Variants in NAA35 observed in about 807,000 individuals in gnomAD.
NAA35 encodes the protein N-alpha-acetyltransferase 35, NatC auxiliary subunit.
NAA35 carries 18 observed loss-of-function variants against 101.7 expected under a neutral mutation model. That is an observed-to-expected ratio of 0.18 (90% CI 0.12 to 0.26). The LOEUF (loss-of-function observed/expected upper bound fraction) is 0.26. Ranked by LOEUF, NAA35 falls within the 10% of genes least tolerant of loss-of-function variation. NAA35 has a pLI of 1.00. For missense variants in NAA35, 601 were observed against 886.8 expected, an observed-to-expected ratio of 0.68 and a Z score of 4.09; for synonymous variants, 267 against 273.1, an observed-to-expected ratio of 0.98 and a Z score of 0.22.
chr9:85,974,598 G>A (rs1830134696), intron 6 of NAA35, among the ~76,000 whole-genome samples: 1 of 152,060 alleles, frequency 6.6e-6, no homozygotes, highest in African/African-American at 2.4e-5. Context: ...TTGCAGCACG[G>A]TCATTTAACA....
chr9:86,007,519 A>C (rs191218068), intron 14 of NAA35, 55 bp downstream of exon 14: 9 of 1,249,976 alleles, frequency 7.2e-6, no homozygotes, highest in Admixed American at 1.8e-5. Context: ...TAAAAGCCCA[A>C]CTTCTCTGTA....
chr9:86,004,617 A>G (rs10868359), intron 13 of NAA35, among the ~76,000 whole-genome samples: 9,881 of 152,262 alleles, frequency 0.065, 686 homozygotes, highest in East Asian at 0.34. Flanking sequence ...GAGAAAATCA[A>G]TGCAACCCAA....
intron 12 of NAA35, 58 bp from the exon 13 acceptor site, chr9:86,003,527 G>GT: frequency 9.7e-7 from 1 of 1,025,900 alleles, no homozygotes. Context: ...CTGATGAAGT[G>GT]TTTTTAGCTT....
intron 11 of NAA35, among the ~76,000 whole-genome samples, chr9:85,989,530 G>A (rs182331018): frequency 3.0e-4 from 46 of 152,128 alleles, no homozygotes; most frequent in South Asian, 6.2e-4. Flanking sequence ...TGTGACCTAA[G>A]AGTTTTACAC....
intron 12 of NAA35, among the ~76,000 whole-genome samples, chr9:85,999,052 A>G (rs965885709): frequency 6.6e-6 from 1 of 152,210 alleles, no homozygotes; most frequent in Admixed American, 6.5e-5. Context: ...TTAAGTCTTC[A>G]TTCCTTAGTA....
intron 19 of NAA35, among the ~76,000 whole-genome samples, chr9:86,018,038 ATCAT>A (rs1832317861): frequency 6.6e-6 from 1 of 152,252 alleles, no homozygotes. Flanking sequence ...AGTCCAAGAA[ATCAT>A]TTGAGGTGAC....
intron 11 of NAA35, among the ~76,000 whole-genome samples, chr9:85,990,926 G>C (rs1169518858): frequency 6.6e-6 from 1 of 152,208 alleles, no homozygotes; most frequent in Non-Finnish European, 1.5e-5. Context: ...GAGGGCATCT[G>C]CAAAGAGATA....
chr9:85,976,060 C>T (rs774230830), intron 8 of NAA35, among the ~76,000 whole-genome samples: 9 of 152,100 alleles, frequency 5.9e-5, no homozygotes, highest in Non-Finnish European at 7.4e-5. Context: ...GTTAGACACA[C>T]ACAGTGCTCC....
intron 6 of NAA35, among the ~76,000 whole-genome samples, chr9:85,971,621 A>G (rs901467671): frequency 2.6e-5 from 4 of 152,286 alleles, no homozygotes; most frequent in African/African-American, 7.2e-5. Flanking sequence ...CTCCACTTGG[A>G]TGATCAAAGA....
intron 14 of NAA35, among the ~76,000 whole-genome samples, chr9:86,008,160 T>G (rs1485327040): frequency 6.6e-6 from 1 of 152,192 alleles, no homozygotes; most frequent in Non-Finnish European, 1.5e-5. Context: ...CCTCCTAGGT[T>G]CAAGAGATTC....
chr9:85,972,647 T>G (rs1338621566), intron 6 of NAA35, among the ~76,000 whole-genome samples: 8 of 151,804 alleles, frequency 5.3e-5, no homozygotes, highest in Non-Finnish European at 1.2e-4. Context: ...ACAGGATAAG[T>G]AGTGGCTGAC....
At chr9:85,986,461 C>G (rs139851607) in intron 11 of NAA35, 420 of 470,034 alleles carry the variant, frequency 8.9e-4, no homozygotes, top group African/African-American at 7.7e-3. Context: ...TCTCTGACTT[C>G]CTCCTTTTCA....
At chr9:85,991,329 A>G (rs1288846635) in intron 11 of NAA35, among the ~76,000 whole-genome samples, 1 of 152,132 alleles carries the variant, frequency 6.6e-6, no homozygotes, top group Non-Finnish European at 1.5e-5. Flanking sequence ...CAGGGCTGTC[A>G]GAGACCAAGC....
At chr9:86,012,203 T>C (rs1034606071) in intron 15 of NAA35, among the ~76,000 whole-genome samples, 1 of 151,136 alleles carries the variant, frequency 6.6e-6, no homozygotes, top group Non-Finnish European at 1.5e-5. Flanking sequence ...TACTGCAACC[T>C]CCGCCTCCCA....
intron 11 of NAA35, among the ~76,000 whole-genome samples, chr9:85,981,486 G>T (rs1448184447): frequency 6.6e-6 from 1 of 152,140 alleles, no homozygotes; most frequent in Non-Finnish European, 1.5e-5. Context: ...CAAACTCTGA[G>T]ATGATAATTT....
chr9:86,022,905 T>C lies in NAA35; in HGVS notation c.*945T>C. On this transcript the variant is annotated 3_prime_UTR_variant, in exon 23 of 23. Transcript: ENST00000361671. ...CCTTTTTGTCCTCTGTAGCAGGCAA[T>C]ACTCTTAGCAAAATGAGTTACTCTG... Among the ~76,000 whole-genome samples the C allele has an allele frequency of 6.6e-6, 1 of 152,168 alleles. No individual in the cohort carries two copies. Among genetic ancestry groups the C allele is most frequent in the East Asian group, 1.9e-4 (1 of 5,188 alleles).
intron 9 of NAA35, 122 bp downstream of exon 9, chr9:85,976,857 A>T (rs549511523): frequency 4.7e-6 from 3 of 643,148 alleles, no homozygotes; most frequent in Non-Finnish European, 7.9e-6. Flanking sequence ...AAAATTGGAC[A>T]TTGCAAGGGA....
At chr9:85,984,766 G>A (rs547493895) in intron 11 of NAA35, among the ~76,000 whole-genome samples, 121 of 152,286 alleles carry the variant, frequency 7.9e-4, no homozygotes, top group Middle Eastern at 3.4e-3. Flanking sequence ...ACAATTCAAT[G>A]AGGAAAGAAA....
rs10119157 is a variant in NAA35, at chr9:85,992,426, T to C, written c.878-3973T>C. Among the ~76,000 whole-genome samples, 605 of 152,222 alleles carry C rather than the reference T, an allele frequency of 4.0e-3. 5 individuals are homozygous for C. The highest frequency in any genetic ancestry group is 0.014 in the African/African-American group (570 of 41,538). ...TGTCCCCCCAACCCCCAAATACTTATTAATTTCAAAGGGAAAGGGAGTAAC... is the reference window on the plus strand; with the variant it reads ...TGTCCCCCCAACCCCCAAATACTTACTAATTTCAAAGGGAAAGGGAGTAAC... On this transcript the variant is annotated intron_variant, in intron 11 of 22. Coordinates refer to ENST00000361671, the MANE Select transcript of NAA35 (RefSeq NM_024635.4).
Sources: gnomAD v4.1 joint callset for allele counts (sites outside exome capture counted in the v4.1 genomes callset) on GRCh38, gnomAD v4.1.1 for gene constraint, MANE v1.5 for transcripts, NCBI Gene and HGNC (gene_info 2026-07-23, HGNC 2026-07-21) for gene names.